ABCC5: variants seen among roughly 807,000 people sequenced by gnomAD.
ABCC5 encodes ATP-binding cassette sub-family C member 5.
Under a neutral mutation model 160.9 loss-of-function variants are expected in ABCC5, and 61 were observed. The ratio of observed to expected loss-of-function variants is 0.38; its 90% CI spans 0.31 to 0.47. The LOEUF (loss-of-function observed/expected upper bound fraction) is 0.47, where lower values mean the gene tolerates loss of function less well. ABCC5 is among the 20% of genes least tolerant of loss of function. The probability of loss-of-function intolerance (pLI) is 0.99; values close to 1 mark genes in which losing one functional copy is unlikely to be tolerated. For missense variants in ABCC5, 1,308 were observed against 1,813.3 expected, an observed-to-expected ratio of 0.72 and a Z score of 5.06; for synonymous variants, 666 against 700.6, an observed-to-expected ratio of 0.95 and a Z score of 0.78.
At chr3:183,993,483 C>CAA (rs57885159) in intron 2 of ABCC5, among the ~76,000 whole-genome samples, 24,231 of 104,412 alleles carry the variant, frequency 0.23, 3,233 homozygotes, top group Non-Finnish European at 0.33. Context: ...GACCCTGTCT[C>CAA]AAAAAAAAAA....
intron 15 of ABCC5, among the ~76,000 whole-genome samples, chr3:183,962,123 T>A (rs1716803837): frequency 6.6e-6 from 1 of 152,136 alleles, no homozygotes; most frequent in Admixed American, 6.5e-5. Context: ...TGGGCTTACA[T>A]CCTGATAAAC....
chr3:183,952,331 C>T (rs1260321372), intron 18 of ABCC5, among the ~76,000 whole-genome samples: 2 of 151,996 alleles, frequency 1.3e-5, no homozygotes, highest in Admixed American at 1.3e-4. Context: ...ATTTTTAGTA[C>T]AGACAGGGTT....
At chr3:183,958,798 C>T (rs1229289237) in intron 17 of ABCC5, among the ~76,000 whole-genome samples, 2 of 151,892 alleles carry the variant, frequency 1.3e-5, no homozygotes, top group Admixed American at 1.3e-4. Context: ...GCGGGGCGTG[C>T]CATGTTGCCC....
chr3:183,956,516 C>T (rs1471344838), intron 17 of ABCC5, among the ~76,000 whole-genome samples: 1 of 138,376 alleles, frequency 7.2e-6, no homozygotes, highest in Non-Finnish European at 1.6e-5. Flanking sequence ...GTGTATATCA[C>T]ATCGGTTACA....
intron 28 of ABCC5, 83 bp downstream of exon 28, chr3:183,927,247 T>C (rs956811223): frequency 2.1e-5 from 29 of 1,373,670 alleles, no homozygotes; most frequent in Non-Finnish European, 2.7e-5. Context: ...GAGCCAGGAA[T>C]ACCTTTGGAC....
intron 23 of ABCC5, 141 bp downstream of exon 23, chr3:183,947,178 ACGGTC>A: frequency 1.2e-6 from 1 of 837,478 alleles, no homozygotes; most frequent in South Asian, 3.3e-5. Context: ...CCAGATTGTT[ACGGTC>A]AAATCAGACC....
intron 10 of ABCC5, among the ~76,000 whole-genome samples, chr3:183,976,380 G>C (rs1165050884): frequency 6.6e-6 from 1 of 151,728 alleles, no homozygotes; most frequent in East Asian, 1.9e-4. Context: ...TCAGCCCCCC[G>C]GGTAGCTAGG....
Position 183,949,647 on chromosome 3 carries a change from T to C in ABCC5, c.3227+106A>G, listed in dbSNP as rs1715160244. ...ATTAAATCATGAATACCCTTGGTAATGAGGTTTATAATCCCCATCTCTGGC... is the reference window on the plus strand; with the variant it reads ...ATTAAATCATGAATACCCTTGGTAACGAGGTTTATAATCCCCATCTCTGGC... On this transcript the variant is annotated intron_variant, in intron 22 of 29. Transcript: ENST00000334444. This position sits in a 1 kb window ranked among gnomAD's most constrained non-coding sequence, Gnocchi z 4.2. 18 of 1,368,116 alleles carry C rather than the reference T, an allele frequency of 1.3e-5. No homozygotes were observed. The highest frequency in any genetic ancestry group is 1.7e-5 in the Non-Finnish European group (17 of 1,004,546). The allele number at this position is 1,368,116 out of a possible 1,614,324, so 84.7% of individuals were successfully genotyped here. A position where few individuals can be genotyped will look rare whatever the true frequency, so the allele number is the denominator to read the frequency against.
Position 183,937,955 on chromosome 3 carries a change from CG to C in ABCC5, c.3799del (p.Arg1267GlufsTer42). On this transcript the variant is annotated frameshift_variant, in exon 26 of 30. Transcript: ENST00000334444. LOFTEE classifies it high-confidence loss of function. ...TTGAGGAATGATAGAGAGTTTGCTT[CG>C]GAGGTCGGCAAGGCCAATATCACTG... ...RISDIGLADL[R>X]SKLSIIPQEP... 1 of 1,614,194 alleles carries C rather than the reference CG, an allele frequency of 6.2e-7. No individual in the cohort carries two copies. Among genetic ancestry groups the C allele is most frequent in the Non-Finnish European group, 8.5e-7 (1 of 1,180,046 alleles).
At chr3:183,944,724 CTTTT>C (rs1343154707) in intron 24 of ABCC5, among the ~76,000 whole-genome samples, 2 of 151,884 alleles carry the variant, frequency 1.3e-5, no homozygotes, top group South Asian at 2.1e-4. Context: ...TATTATGAGA[CTTTT>C]TTTTGCCATC....
intron 26 of ABCC5, among the ~76,000 whole-genome samples, chr3:183,930,049 T>G (rs1363197857): frequency 6.6e-6 from 1 of 152,244 alleles, no homozygotes; most frequent in Non-Finnish European, 1.5e-5. Context: ...TGTCTTGATC[T>G]ACACATAACA....
At chr3:183,968,979 C>T (rs766619066) in intron 11 of ABCC5, among the ~76,000 whole-genome samples, 4 of 152,152 alleles carry the variant, frequency 2.6e-5, no homozygotes, top group African/African-American at 7.2e-5. Flanking sequence ...ACATGGTCCA[C>T]GAGTACTGAA....
intron 2 of ABCC5, among the ~76,000 whole-genome samples, chr3:184,003,305 C>T (rs368174438): frequency 9.9e-5 from 15 of 152,086 alleles, no homozygotes; most frequent in Admixed American, 2.6e-4. Context: ...CAGGCCTTCC[C>T]GCCCTTCCTA....
intron 15 of ABCC5, among the ~76,000 whole-genome samples, chr3:183,962,799 G>A (rs1716892367): frequency 1.3e-5 from 2 of 152,200 alleles, no homozygotes; most frequent in South Asian, 4.1e-4. Flanking sequence ...AGGGATTACA[G>A]GCGTGAGCCA....
chr3:183,959,070 C>CACACAT (rs1553777160), intron 17 of ABCC5, among the ~76,000 whole-genome samples: 21 of 151,684 alleles, frequency 1.4e-4, no homozygotes, highest in Non-Finnish European at 1.0e-4. Context: ...CACACACACA[C>CACACAT]ACACACACAC....
intron 25 of ABCC5, 87 bp from the exon 26 acceptor site, chr3:183,938,147 A>G (rs571215054): frequency 3.8e-6 from 5 of 1,306,808 alleles, no homozygotes; most frequent in Non-Finnish European, 5.3e-6. Context: ...AATGCCAACT[A>G]TTTTTCCATT....
chr3:183,957,704 G>A (rs1350629027), intron 17 of ABCC5, among the ~76,000 whole-genome samples: 10 of 148,360 alleles, frequency 6.7e-5, no homozygotes, highest in African/African-American at 2.0e-4. Context: ...ATATCACATC[G>A]GTTACATGCG....
intron 28 of ABCC5, among the ~76,000 whole-genome samples, chr3:183,926,578 C>G (rs963848501): frequency 6.6e-6 from 1 of 151,898 alleles, no homozygotes. Context: ...AACAAAACCA[C>G]GGATTTAATC....
intron 25 of ABCC5, chr3:183,942,368 A>G (rs933717730): frequency 1.1e-5 from 5 of 470,964 alleles, no homozygotes; most frequent in Non-Finnish European, 1.7e-5. Context: ...ATGAAACAGC[A>G]TGTGTCAATG....
Sources: allele counts gnomAD v4.1 joint callset (sites outside exome capture counted in the v4.1 genomes callset), GRCh38; gene constraint gnomAD v4.1.1; non-coding constraint Gnocchi (gnomAD v3.1); transcripts MANE v1.5; gene names NCBI Gene and HGNC (gene_info 2026-07-23, HGNC 2026-07-21).